The following CMTR1 variants were observed in gnomAD, a reference collection of about 807,000 sequenced individuals.
The protein encoded by CMTR1 is cap methyltransferase 1.
CMTR1 carries 39 observed loss-of-function variants against 107.0 expected under a neutral mutation model. The observed-to-expected ratio is 0.36, with a 90% CI of 0.28 to 0.48. The LOEUF is 0.48. Ranked by LOEUF, CMTR1 falls within the 20% of genes least tolerant of loss-of-function variation. CMTR1 has a pLI of 0.99. For missense variants in CMTR1, 672 were observed against 1,064.9 expected, an observed-to-expected ratio of 0.63 and a Z score of 5.14; for synonymous variants, 366 against 379.5, an observed-to-expected ratio of 0.96 and a Z score of 0.41.
chr6:37,459,806 G>T (rs1484459978), intron 10 of CMTR1, 122 bp downstream of exon 10: 2 of 732,838 alleles, frequency 2.7e-6, no homozygotes, highest in Admixed American at 4.3e-5. Flanking sequence ...AGTTCAGATT[G>T]TAGAGAATGC....
At chr6:37,448,441 T>A (rs1171468221) in intron 4 of CMTR1, among the ~76,000 whole-genome samples, 1 of 152,164 alleles carries the variant, frequency 6.6e-6, no homozygotes, top group Non-Finnish European at 1.5e-5. Flanking sequence ...AGTCTGCTTT[T>A]TCTTTCCAAG....
At chr6:37,451,203 CCTGT>C (rs779905796) in intron 5 of CMTR1, among the ~76,000 whole-genome samples, 2 of 151,666 alleles carry the variant, frequency 1.3e-5, no homozygotes, top group South Asian at 4.2e-4. Context: ...TAATAGATTA[CCTGT>C]CTATTATCTA....
At chr6:37,456,150 G>A (rs1396737391) in intron 8 of CMTR1, among the ~76,000 whole-genome samples, 1 of 152,256 alleles carries the variant, frequency 6.6e-6, no homozygotes, top group Non-Finnish European at 1.5e-5. Flanking sequence ...TTCACTTAGA[G>A]GGCACGGCCA....
chr6:37,436,139 C>A, intron 2 of CMTR1, among the ~76,000 whole-genome samples: 1 of 152,246 alleles, frequency 6.6e-6, no homozygotes, highest in South Asian at 2.1e-4. Context: ...CTGCGGCCGT[C>A]GAGCCTAATT....
chr6:37,424,026 C>T, the CMTR1 span, among the ~76,000 whole-genome samples: 2 of 152,148 alleles, frequency 1.3e-5, no homozygotes, highest in Non-Finnish European at 2.9e-5. Context: ...GACGACCCAC[C>T]ATTTTGATCA....
At position 37,477,504 on chromosome 6, in the gene CMTR1, C is replaced by A. The variant is rs377581521; in HGVS notation, c.2106-88C>A. The A allele has an allele frequency of 2.5e-4, 310 of 1,215,842 alleles. 2 individuals are homozygous for A. The highest frequency in any genetic ancestry group is 1.5e-3 in the South Asian group (121 of 82,940). 75.3% of individuals were successfully genotyped at this position (1,215,842 alleles called of 1,614,324 possible). A position where few individuals can be genotyped will look rare whatever the true frequency, so the allele number is the denominator to read the frequency against. Reference sequence around the variant, plus strand: ...GAGGGCCTGGGGCAGAAGCCAAGGTCAAGTGCAGTCTCCTGCCTCCCAGCT... The same window carrying A: ...GAGGGCCTGGGGCAGAAGCCAAGGTAAAGTGCAGTCTCCTGCCTCCCAGCT... On this transcript the variant is annotated intron_variant, in intron 20 of 23. Transcript: ENST00000373451.
chr6:37,474,406 C>G (rs1761692014), intron 17 of CMTR1, 118 bp from the exon 18 acceptor site: 3 of 1,183,856 alleles, frequency 2.5e-6, no homozygotes. Context: ...ACATTTTCTT[C>G]TGACATTTCC....
rs1427898766 is a variant in CMTR1 at position 37,458,300 on chromosome 6, CCT to C, written c.778-307_778-306del. Among the ~76,000 whole-genome samples the C allele has an allele frequency of 6.6e-6, 1 of 152,122 alleles. No individual in the cohort carries two copies. Among genetic ancestry groups the C allele is most frequent in the Admixed American group, 6.5e-5 (1 of 15,272 alleles). On this transcript the variant is annotated intron_variant, in intron 8 of 23. Coordinates refer to ENST00000373451, the MANE Select transcript of CMTR1 (RefSeq NM_015050.3). The surrounding 1 kb of genome is among the most constrained non-coding windows in gnomAD (Gnocchi z 4.7). ...CAAACCCCTGACCTCAGGCTATCTG[CCT>C]CTCTGGCCTCCCAAAGTGCTGGGAT...
upstream of CMTR1, among the ~76,000 whole-genome samples, chr6:37,429,117 G>A (rs1241653670): frequency 1.3e-5 from 2 of 151,696 alleles, no homozygotes; most frequent in Middle Eastern, 3.2e-3. Context: ...TGTTTTTCAC[G>A]TTTGATACTT....
At position 37,463,056 on chromosome 6, in the gene CMTR1, A is replaced by G. The variant is rs769502411; in HGVS notation, c.1505+48A>G. ...GCTGGTAACACTGAGGTCCTAAGGA[A>G]GACCAGAGAGTGAAAGACTGAATGG... On this transcript the variant is annotated intron_variant, in intron 13 of 23. Transcript: ENST00000373451. 5.8e-6 allele frequency: 9 copies of G among 1,564,522 alleles called. No homozygotes were observed. In the Admixed American group the frequency reaches 8.4e-5, roughly 15 times the overall value.
intron 17 of CMTR1, among the ~76,000 whole-genome samples, chr6:37,474,238 G>A (rs577885497): frequency 1.3e-5 from 2 of 152,292 alleles, no homozygotes; most frequent in East Asian, 3.9e-4. Context: ...TACGAAACTG[G>A]ATCTTTTTTG....
At chr6:37,448,468 G>C (rs1020314705) in intron 4 of CMTR1, among the ~76,000 whole-genome samples, 1 of 152,068 alleles carries the variant, frequency 6.6e-6, no homozygotes, top group Non-Finnish European at 1.5e-5. Flanking sequence ...TGAGCTTCTT[G>C]TTCTCTAGAG....
intron 6 of CMTR1, among the ~76,000 whole-genome samples, chr6:37,452,831 A>G (rs1195095350): frequency 6.6e-6 from 1 of 151,608 alleles, no homozygotes; most frequent in East Asian, 1.9e-4. Context: ...GCCATGTGCC[A>G]GGCACCTGTT....
chr6:37,475,219 C>A, intron 18 of CMTR1, 102 bp from the exon 19 acceptor site: 2 of 891,382 alleles, frequency 2.2e-6, no homozygotes, highest in East Asian at 2.5e-5. Context: ...CCCTACCCTT[C>A]CCCCAGCTGT....
chr6:37,450,287 T>C lies in CMTR1; in HGVS notation c.481T>C (p.Cys161Arg). Residue 161 changes from cysteine to arginine, a missense_variant, in exon 5 of 24, where the codon TGT (cysteine) becomes CGT (arginine). Physicochemically the swap from Cys to Arg is radical, Grantham distance 180. Around this residue, in one of 2 missense-constraint regions of CMTR1, gnomAD observed 583 missense variants for 968.4 expected, o/e 0.60. Coordinates refer to ENST00000373451, the MANE Select transcript of CMTR1 (RefSeq NM_015050.3). The part of the protein sequence containing the change: ...ACEQVSWFPE[C>R]TTEIPDTQEM... ...TGAGCAGGTGTCATGGTTTCCAGAA[T>C]GTACCACTGAAATTCCTGACACTCA... 3 of 1,614,150 alleles carry C rather than the reference T, an allele frequency of 1.9e-6. No homozygotes were observed. Among genetic ancestry groups the C allele is most frequent in the Non-Finnish European group, 2.5e-6 (3 of 1,180,012 alleles).
the CMTR1 span, among the ~76,000 whole-genome samples, chr6:37,425,310 T>TTC: frequency 1.3e-5 from 2 of 149,564 alleles, no homozygotes; most frequent in Admixed American, 6.7e-5. Flanking sequence ...TTTTTTTTTT[T>TTC]CCCCGAGACA....
intron 2 of CMTR1, among the ~76,000 whole-genome samples, chr6:37,438,054 G>A (rs568873817): frequency 2.0e-5 from 3 of 152,314 alleles, no homozygotes; most frequent in African/African-American, 7.2e-5. Context: ...ATATGACTCA[G>A]TCAGGATTGA....
chr6:37,444,762 C>T (rs55800130), intron 3 of CMTR1, among the ~76,000 whole-genome samples: 17,670 of 152,150 alleles, frequency 0.12, 1,088 homozygotes, highest in South Asian at 0.15. Flanking sequence ...CAGTGGCTCA[C>T]GTCTGTAATC....
At position 37,474,705 on chromosome 6, in the gene CMTR1, A is replaced by T. The variant is rs1330417880; in HGVS notation, c.1944+59A>T. ...CAGCTAGGGGACTAGGGGGCTGCTG[A>T]ACCTGGCCTTTTGCCCTGAGTTAAC... On this transcript the variant is annotated intron_variant, in intron 18 of 23. Transcript: ENST00000373451. 2.5e-6 allele frequency: 4 copies of T among 1,598,188 alleles called. No homozygotes were observed. The African/African-American group carries it at 5.4e-5, about 21-fold the overall frequency.
Sources: gnomAD v4.1 joint callset for allele counts (sites outside exome capture counted in the v4.1 genomes callset) on GRCh38, gnomAD v4.1.1 for gene constraint, gnomAD v4.1.1 regional missense constraint, Gnocchi (gnomAD v3.1) non-coding constraint, MANE v1.5 for transcripts, NCBI Gene and HGNC (gene_info 2026-07-23, HGNC 2026-07-21) for gene names.